The following ADTRP variants were observed in gnomAD, a reference collection of about 807,000 sequenced individuals.
ADTRP encodes androgen dependent TFPI regulating protein, also known as androgen-dependent TFPI-regulating protein.
In ADTRP, 20 loss-of-function variants were observed where a neutral mutation model predicts 27.0. The observed-to-expected ratio is 0.74, with a 90% CI of 0.52 to 1.08. ADTRP has a LOEUF of 1.08. Ranked by LOEUF, ADTRP falls within the 50% of genes least tolerant of loss-of-function variation. ADTRP has a pLI of 0.00. For synonymous variants in ADTRP, 101 were observed against 105.2 expected (o/e 0.96, Z 0.25); for missense variants, 251 against 275.0 (o/e 0.91, Z 0.62).
intron 4 of ADTRP, 37 bp downstream of exon 4, chr6:11,735,531 G>A (rs1021080878): frequency 5.9e-6 from 9 of 1,520,490 alleles, no homozygotes; most frequent in African/African-American, 1.4e-5. Flanking sequence ...GGTCTTGAAC[G>A]ACAAGCCTAA....
At chr6:11,743,336 T>G (rs1337419690) in intron 3 of ADTRP, among the ~76,000 whole-genome samples, 1 of 152,222 alleles carries the variant, frequency 6.6e-6, no homozygotes, top group Non-Finnish European at 1.5e-5. Flanking sequence ...CACTGTAGGA[T>G]CGAGTCTTTA....
At chr6:11,735,081 G>T (rs1762506119) in intron 4 of ADTRP, among the ~76,000 whole-genome samples, 1 of 152,182 alleles carries the variant, frequency 6.6e-6, no homozygotes, top group Admixed American at 6.5e-5. Flanking sequence ...CCATGCAATT[G>T]CCCAAATGCC....
chr6:11,726,902 G>A (rs1162570086), intron 4 of ADTRP, among the ~76,000 whole-genome samples: 1 of 152,188 alleles, frequency 6.6e-6, no homozygotes, highest in African/African-American at 2.4e-5. Context: ...TTGGCATTTA[G>A]TTCCTCGCCT....
chr6:11,724,989 T>A (rs534875654), intron 4 of ADTRP, among the ~76,000 whole-genome samples: 2 of 152,346 alleles, frequency 1.3e-5, no homozygotes, highest in South Asian at 2.1e-4. Flanking sequence ...AAAAACAATA[T>A]TTAAATTTGA....
chr6:11,735,938 T>G, intron 3 of ADTRP: 8 of 311,864 alleles, frequency 2.6e-5, no homozygotes, highest in East Asian at 6.0e-5. Flanking sequence ...TGCCCACTGC[T>G]CCCCTCTCCC....
At chr6:11,757,374 G>T (rs935095593) in intron 3 of ADTRP, among the ~76,000 whole-genome samples, 4 of 152,142 alleles carry the variant, frequency 2.6e-5, no homozygotes, top group Admixed American at 2.0e-4. Context: ...TTTGCCTACA[G>T]AATAGAAACA....
At chr6:11,726,011 CACTG>C (rs1428287823) in intron 4 of ADTRP, among the ~76,000 whole-genome samples, 1 of 151,982 alleles carries the variant, frequency 6.6e-6, no homozygotes, top group East Asian at 1.9e-4. Context: ...CCCAAGTGCC[CACTG>C]ATAGATGAAT....
chr6:11,724,178 T>G (rs982093991), intron 4 of ADTRP, among the ~76,000 whole-genome samples: 2 of 152,136 alleles, frequency 1.3e-5, no homozygotes, highest in Non-Finnish European at 2.9e-5. Context: ...TGCTGAGACA[T>G]TGAACCTGCT....
chr6:11,744,699 G>A (rs911870139), intron 3 of ADTRP, among the ~76,000 whole-genome samples: 3 of 152,154 alleles, frequency 2.0e-5, no homozygotes, highest in Non-Finnish European at 2.9e-5. Context: ...TTCACATGGT[G>A]CACATGGAGA....
At chr6:11,717,970 A>T (rs1330241787) in intron 5 of ADTRP, among the ~76,000 whole-genome samples, 1 of 152,264 alleles carries the variant, frequency 6.6e-6, no homozygotes, top group Non-Finnish European at 1.5e-5. Flanking sequence ...CAGAGTTAAT[A>T]AGACAAACCT....
At chr6:11,720,510 C>T (rs1220133702) in intron 5 of ADTRP, among the ~76,000 whole-genome samples, 2 of 150,054 alleles carry the variant, frequency 1.3e-5, no homozygotes, top group Non-Finnish European at 3.0e-5. Flanking sequence ...CTTGCTCAGT[C>T]ACCCAGGCTG....
intron 3 of ADTRP, among the ~76,000 whole-genome samples, chr6:11,742,370 C>T (rs1762746666): frequency 6.6e-6 from 1 of 152,080 alleles, no homozygotes; most frequent in South Asian, 2.1e-4. Flanking sequence ...ATCTTTGAGA[C>T]ACCTTACTAA....
At chr6:11,760,293 G>A (rs765825895) in intron 3 of ADTRP, among the ~76,000 whole-genome samples, 2 of 152,130 alleles carry the variant, frequency 1.3e-5, no homozygotes, top group African/African-American at 4.8e-5. Flanking sequence ...GGTCACCAGC[G>A]AGTACGAAAT....
chr6:11,758,915 G>A (rs1763314802), intron 3 of ADTRP, among the ~76,000 whole-genome samples: 1 of 152,102 alleles, frequency 6.6e-6, no homozygotes, highest in Non-Finnish European at 1.5e-5. Context: ...GCTGTCCCAT[G>A]TCTTGGAGTA....
intron 3 of ADTRP, 134 bp from the exon 4 acceptor site, chr6:11,735,817 T>C (rs1458377259): frequency 1.5e-6 from 1 of 654,318 alleles, no homozygotes; most frequent in African/African-American, 1.8e-5. Flanking sequence ...GCTCCCTAGA[T>C]GCCCAAGGAC....
intron 4 of ADTRP, among the ~76,000 whole-genome samples, chr6:11,731,014 G>T (rs1269884224): frequency 6.6e-6 from 1 of 152,252 alleles, no homozygotes; most frequent in Non-Finnish European, 1.5e-5. Flanking sequence ...GCCAGGTGGG[G>T]ATGTTGGACC....
intron 4 of ADTRP, among the ~76,000 whole-genome samples, chr6:11,730,379 T>C (rs9348963): frequency 0.39 from 59,541 of 152,002 alleles, 13,159 homozygotes; most frequent in East Asian, 0.74. Flanking sequence ...ACGGTAACAG[T>C]GGCTCTGGTA....
At chr6:11,723,912 T>G (rs1054905201) in intron 4 of ADTRP, among the ~76,000 whole-genome samples, 5 of 151,588 alleles carry the variant, frequency 3.3e-5, no homozygotes, top group African/African-American at 1.2e-4. Context: ...TACAAAAAAT[T>G]AACTGGGCAT....
intron 3 of ADTRP, among the ~76,000 whole-genome samples, chr6:11,750,532 G>A (rs1210156372): frequency 1.3e-5 from 2 of 152,222 alleles, no homozygotes; most frequent in African/African-American, 4.8e-5. Context: ...CTGAAAGGCA[G>A]GCAATTTGAA....
Sources: gnomAD v4.1 joint callset for allele counts (sites outside exome capture counted in the v4.1 genomes callset) on GRCh38, gnomAD v4.1.1 for gene constraint, MANE v1.5 for transcripts, NCBI Gene and HGNC (gene_info 2026-07-23, HGNC 2026-07-21) for gene names.